OR3A1: variants seen among roughly 807,000 people sequenced by gnomAD.
OR3A1 encodes olfactory receptor 3A1.
For synonymous variants in OR3A1, 145 were observed against 160.0 expected (o/e 0.91, Z 0.71); for missense variants, 402 against 393.8 (o/e 1.02, Z -0.18).
In OR3A1 at chr17:3,291,893, T is replaced by C. The variant is rs148607116; in HGVS notation, c.690A>G (p.Arg230=). The C allele has an allele frequency of 6.2e-7, 1 of 1,614,076 alleles. No homozygotes were observed. The highest frequency in any genetic ancestry group is 8.5e-7 in the Non-Finnish European group (1 of 1,180,024). ...TCTTCCTGCCCTCTACAGAGCGAATTCGCAGGACTGCAGCTGCCACGTGGA... is the reference window on the plus strand; with the variant it reads ...TCTTCCTGCCCTCTACAGAGCGAATCCGCAGGACTGCAGCTGCCACGTGGA... ...SYIHVAAAVL[R]IRSVEGRKKA... Residue 230 remains arginine, a synonymous_variant, in exon 2 of 2, where the codon CGA becomes CGG. Transcript: ENST00000323404.
At chr17:3,298,149 G>A (rs2048934952) in intron 1 of OR3A1, 134 bp downstream of exon 1, 1 of 152,098 alleles carries the variant, frequency 6.6e-6, no homozygotes, top group South Asian at 2.1e-4. Context: ...GAATAAATAA[G>A]AATAGGCTAG....
Position 3,291,403 on chromosome 17 carries a change from C to A in OR3A1, c.*232G>T. 2.4e-6 allele frequency: 1 copy of A among 423,680 alleles called. No individual in the cohort carries two copies. Among genetic ancestry groups the A allele is most frequent in the Non-Finnish European group, 4.2e-6 (1 of 239,978 alleles). 26.2% of individuals were successfully genotyped at this position (423,680 alleles called of 1,614,324 possible). A position where few individuals can be genotyped will look rare whatever the true frequency, so the allele number is the denominator to read the frequency against. On this transcript the variant is annotated 3_prime_UTR_variant, in exon 2 of 2. Coordinates refer to ENST00000323404, the MANE Select transcript of OR3A1 (RefSeq NM_002550.3). ...ACCTCTAGCCAGAAAGGAGAGAACA[C>A]GGTGCCTGAAGCTGAATTTGTCTAA... is the stretch of plus-strand genomic sequence containing the variant.
chr17:3,292,532 C>T lies in OR3A1; in HGVS notation c.51G>A (p.Leu17=). ...ANGTVIAEFI[L]LGLLEAPGLQ... ...GCCCTGGCGCCTCCAGCAAGCCCAG[C>T]AGGATGAACTCAGCAATGACTGTTC... The change falls in exon 2 of 2, where the codon CTG becomes CTA. Residue 17 remains leucine (L), a synonymous_variant. Coordinates refer to ENST00000323404, the MANE Select transcript of OR3A1 (RefSeq NM_002550.3). 6.2e-7 allele frequency: 1 copy of T among 1,613,984 alleles called. No homozygotes were observed. Among genetic ancestry groups the T allele is most frequent in the Non-Finnish European group, 8.5e-7 (1 of 1,179,934 alleles).
At chr17:3,292,930 A>C (rs976176747) in intron 1 of OR3A1, among the ~76,000 whole-genome samples, 1 of 152,096 alleles carries the variant, frequency 6.6e-6, no homozygotes, top group Non-Finnish European at 1.5e-5. Context: ...AACATGGCCG[A>C]GTAAATCCAA....
Position 3,291,964 on chromosome 17 carries a change from A to G in OR3A1, c.619T>C (p.Phe207Leu), listed in dbSNP as rs148493953. Residue 207 changes from phenylalanine (F) to leucine (L), a missense_variant, in exon 2 of 2, where the codon TTT becomes CTT. By Grantham distance (22) the Phe-to-Leu change is conservative. Transcript: ENST00000323404. ...GCCATGGGGGTACCTGCCATTATAAAACCCACAGCAAAAAGCAGCAGCTCA... is the reference window on the plus strand; with the variant it reads ...GCCATGGGGGTACCTGCCATTATAAGACCCACAGCAAAAAGCAGCAGCTCA... Reference protein sequence around the residue: ...LNELLLFAVGFIMAGTPMALI... With the variant: ...LNELLLFAVGLIMAGTPMALI... The G allele has an allele frequency of 1.2e-5, 19 of 1,614,192 alleles. 1 individual carries two copies. The African/African-American group carries it at 2.4e-4, about 20-fold the overall frequency.
intron 1 of OR3A1, among the ~76,000 whole-genome samples, chr17:3,295,126 T>C (rs572096193): frequency 6.6e-6 from 1 of 152,220 alleles, no homozygotes; most frequent in African/African-American, 2.4e-5. Flanking sequence ...GTAAATGTTT[T>C]TAAAATCTCA....
chr17:3,295,535 T>C (rs1393536774), intron 1 of OR3A1, among the ~76,000 whole-genome samples: 9 of 152,032 alleles, frequency 5.9e-5, no homozygotes, highest in African/African-American at 1.9e-4. Context: ...TGAAAGGCTA[T>C]TTCAAAACAA....
rs1180380038 is a variant in OR3A1, at chr17:3,291,529, C to T, written c.*106G>A. The T allele has an allele frequency of 7.4e-6, 6 of 808,878 alleles. No individual in the cohort carries two copies. Among genetic ancestry groups the T allele is most frequent in the African/African-American group, 5.2e-5 (3 of 58,034 alleles). 50.1% of individuals were successfully genotyped at this position (808,878 alleles called of 1,614,324 possible). A position where few individuals can be genotyped will look rare whatever the true frequency, so the allele number is the denominator to read the frequency against. ...TTCCCTACAAAAAGTCCTTCTTATG[C>T]CCATGAAACAGAAACAGGTGTGAAC... On this transcript the variant is annotated 3_prime_UTR_variant, in exon 2 of 2. Transcript: ENST00000323404.
At position 3,292,377 on chromosome 17, in the gene OR3A1, A is replaced by G; in HGVS notation, c.206T>C (p.Leu69Pro). ...HTPMYFFLGN[L>P]SVLDVGCISV... ...GATGCACCCAACATCCAGCACTGATAGGTTCCCCAGGAAGAAGTACATGGG... is the reference window on the plus strand; with the variant it reads ...GATGCACCCAACATCCAGCACTGATGGGTTCCCCAGGAAGAAGTACATGGG... The change falls in exon 2 of 2, where the codon CTA becomes CCA. Residue 69 changes from leucine (L) to proline (P), a missense_variant. Leu to Pro is a moderately conservative substitution (Grantham distance 98). Coordinates refer to ENST00000323404, the MANE Select transcript of OR3A1 (RefSeq NM_002550.3). The G allele has an allele frequency of 6.2e-7, 1 of 1,614,038 alleles. No homozygotes were observed. The highest frequency in any genetic ancestry group is 2.2e-5 in the East Asian group (1 of 44,878).
Position 3,291,509 on chromosome 17 carries a change from T to C in OR3A1, c.*126A>G, listed in dbSNP as rs2150621441. 2 of 681,796 alleles carry C rather than the reference T, an allele frequency of 2.9e-6. No individual in the cohort carries two copies. Among genetic ancestry groups the C allele is most frequent in the South Asian group, 2.1e-5 (1 of 46,834 alleles). 42.2% of individuals were successfully genotyped at this position (681,796 alleles called of 1,614,324 possible). A position where few individuals can be genotyped will look rare whatever the true frequency, so the allele number is the denominator to read the frequency against. On this transcript the variant is annotated 3_prime_UTR_variant, in exon 2 of 2. Transcript: ENST00000323404. ...TTCAGAAATGAAAACTATTATTCCC[T>C]ACAAAAAGTCCTTCTTATGCCCATG... is the stretch of plus-strand genomic sequence containing the variant.
Position 3,294,116 on chromosome 17 carries a change from AT to A in OR3A1, c.-6-1529del, listed in dbSNP as rs1319308395. 9.8e-5 allele frequency among the ~76,000 whole-genome samples: 15 copies of A among 152,298 alleles called. No individual in the cohort carries two copies. In the East Asian group the frequency reaches 2.5e-3, roughly 25 times the overall value. On this transcript the variant is annotated intron_variant, in intron 1 of 1. Transcript: ENST00000323404. ...CACATGTACCCCAGAACTTAAAAAA[AT>A]AAAATAATAACAATAAAAAAGAAAA...
rs368309953 is a variant in OR3A1, at chr17:3,291,836, A to G, written c.747T>C (p.Thr249=). The change falls in exon 2 of 2, where the codon ACT becomes ACC. Residue 249 remains threonine (T), a synonymous_variant. Transcript: ENST00000323404. ...KAFSTCGSHL[T]VVAIFYGSGI... is the part of the protein sequence containing the mutation. ...CTGAACCATAGAATATGGCAACCAC[A>G]GTGAGGTGGGAGCCACATGTGGAGA... is the stretch of plus-strand genomic sequence containing the variant. 11 of 1,613,924 alleles carry G rather than the reference A, an allele frequency of 6.8e-6. No homozygotes were observed. Among genetic ancestry groups the G allele is most frequent in the East Asian group, 4.5e-5 (2 of 44,876 alleles).
At chr17:3,297,310 T>C (rs1161084552) in intron 1 of OR3A1, among the ~76,000 whole-genome samples, 3 of 152,220 alleles carry the variant, frequency 2.0e-5, no homozygotes, top group Non-Finnish European at 4.4e-5. Flanking sequence ...AACAATTCCC[T>C]TACATATTAA....
At chr17:3,295,819 G>T (rs912781054) in intron 1 of OR3A1, among the ~76,000 whole-genome samples, 1 of 152,040 alleles carries the variant, frequency 6.6e-6, no homozygotes, top group Non-Finnish European at 1.5e-5. Context: ...GTCAGTAAAT[G>T]AGGAAAAGAA....
intron 1 of OR3A1, among the ~76,000 whole-genome samples, chr17:3,295,153 T>C (rs2048909399): frequency 6.6e-6 from 1 of 152,094 alleles, no homozygotes. Context: ...AAAATGTTTA[T>C]AATTAGCAAA....
intron 1 of OR3A1, among the ~76,000 whole-genome samples, chr17:3,295,219 TA>T: frequency 6.6e-6 from 1 of 152,188 alleles, no homozygotes; most frequent in East Asian, 1.9e-4. Flanking sequence ...AGCTGAATGT[TA>T]AAAGATATTA....
At chr17:3,292,660 G>A in intron 1 of OR3A1, 72 bp from the exon 2 acceptor site, 1 of 1,310,336 alleles carries the variant, frequency 7.6e-7, no homozygotes, top group Non-Finnish European at 1.0e-6. Flanking sequence ...AAAAGAAACA[G>A]ACCCCCTTCT....
In OR3A1 at chr17:3,292,605, A is replaced by G. The variant is rs1449078746; in HGVS notation, c.-6-17T>C. 6.5e-7 allele frequency: 1 copy of G among 1,548,922 alleles called. No homozygotes were observed. Among genetic ancestry groups the G allele is most frequent in the Non-Finnish European group, 8.8e-7 (1 of 1,141,084 alleles). ...CATGAGTTCCTGCAAAGAAACATCC[A>G]GGGAGGAAAAGAATCACTCCTCCCA... On this transcript the variant is annotated splice_polypyrimidine_tract_variant and intron_variant, in intron 1 of 1. Transcript: ENST00000323404.
Position 3,291,858 on chromosome 17 carries a change from G to T in OR3A1, c.725C>A (p.Ser242Tyr). 3 of 1,614,156 alleles carry T rather than the reference G, an allele frequency of 1.9e-6. No individual in the cohort carries two copies. The highest frequency in any genetic ancestry group is 2.5e-6 in the Non-Finnish European group (3 of 1,179,968). Residue 242 changes from serine (S) to tyrosine (Y), a missense_variant, in exon 2 of 2, where the codon TCC (serine) becomes TAC (tyrosine). By Grantham distance (144) the Ser-to-Tyr change is moderately radical. Transcript: ENST00000323404. ...CACAGTGAGGTGGGAGCCACATGTG[G>T]AGAAGGCTTTCTTCCTGCCCTCTAC... ...RSVEGRKKAF[S>Y]TCGSHLTVVA... is the part of the protein sequence containing the mutation.
Sources: gnomAD v4.1 joint callset for allele counts (sites outside exome capture counted in the v4.1 genomes callset) on GRCh38, gnomAD v4.1.1 for gene constraint, MANE v1.5 for transcripts, NCBI Gene and HGNC (gene_info 2026-07-23, HGNC 2026-07-21) for gene names.